The following L3MBTL4 variants were observed in gnomAD, a reference collection of about 807,000 sequenced individuals.
L3MBTL4 encodes the protein L3MBTL histone methyl-lysine binding protein 4, also known as lethal(3)malignant brain tumor-like protein 4.
L3MBTL4 carries 70 observed loss-of-function variants against 84.5 expected under a neutral mutation model. The observed-to-expected ratio is 0.83, with a 90% CI of 0.68 to 1.01. The LOEUF is 1.01. L3MBTL4 is among the 50% of genes least tolerant of loss of function. The pLI, the probability that L3MBTL4 is intolerant of heterozygous loss-of-function variation, is 0.00. For missense variants in L3MBTL4, 715 were observed against 754.8 expected (o/e 0.95, Z 0.62); for synonymous variants, 274 against 259.8 (o/e 1.05, Z -0.52).
chr18:6,251,820 G>A (rs1356252768), intron 5 of L3MBTL4, among the ~76,000 whole-genome samples: 1 of 152,124 alleles, frequency 6.6e-6, no homozygotes, highest in Admixed American at 6.5e-5. Context: ...TCTATAAAAG[G>A]CATTCCTAAA....
chr18:6,333,512 T>C (rs1378572414), intron 1 of L3MBTL4, among the ~76,000 whole-genome samples: 1 of 150,986 alleles, frequency 6.6e-6, no homozygotes. Flanking sequence ...GAGGCGGAGG[T>C]TGCAGTGAGC....
chr18:6,224,431 C>T (rs371374848), intron 10 of L3MBTL4, among the ~76,000 whole-genome samples: 1 of 152,298 alleles, frequency 6.6e-6, no homozygotes, highest in South Asian at 2.1e-4. Context: ...TGGTAGACCC[C>T]ACGAAGTCAT....
At chr18:6,134,315 G>C (rs1274342616) in intron 14 of L3MBTL4, among the ~76,000 whole-genome samples, 1 of 152,086 alleles carries the variant, frequency 6.6e-6, no homozygotes, top group Non-Finnish European at 1.5e-5. Context: ...AGGGGACACA[G>C]CCAAACCATA....
intron 4 of L3MBTL4, among the ~76,000 whole-genome samples, chr18:6,265,490 G>A (rs2146400222): frequency 6.6e-6 from 1 of 152,300 alleles, no homozygotes; most frequent in Admixed American, 6.5e-5. Flanking sequence ...ATTAATATGG[G>A]AAGGAGGTTA....
intron 1 of L3MBTL4, among the ~76,000 whole-genome samples, chr18:6,326,156 T>C (rs2051705730): frequency 1.3e-5 from 2 of 152,160 alleles, no homozygotes; most frequent in Admixed American, 1.3e-4. Context: ...AGCTGCGCCC[T>C]GGCATTTCTA....
At chr18:6,361,917 A>G (rs1349761101) in intron 1 of L3MBTL4, among the ~76,000 whole-genome samples, 1 of 151,864 alleles carries the variant, frequency 6.6e-6, no homozygotes, top group Non-Finnish European at 1.5e-5. Flanking sequence ...AGAGTTTGAG[A>G]CCAGCCTGAG....
intron 13 of L3MBTL4, among the ~76,000 whole-genome samples, chr18:6,145,825 C>T (rs1315929242): frequency 6.6e-6 from 1 of 152,126 alleles, no homozygotes; most frequent in African/African-American, 2.4e-5. Flanking sequence ...GATATGGCGG[C>T]AAACCAGAGA....
chr18:6,161,031 C>A lies in L3MBTL4; in HGVS notation c.1096+10797G>T, dbSNP rs139397605. Among the ~76,000 whole-genome samples the A allele has an allele frequency of 3.2e-3, 486 of 152,256 alleles. 3 individuals carry two copies. The highest frequency in any genetic ancestry group is 0.011 in the African/African-American group (451 of 41,550). On this transcript the variant is annotated intron_variant, in intron 13 of 18. Transcript: ENST00000317931. ...ATATGACCCAGTTAGATGACCAGAG[C>A]AGGCATGGTTTTTAGGTTCTGATAT...
chr18:6,021,385 C>T (rs2055249453), intron 16 of L3MBTL4, among the ~76,000 whole-genome samples: 1 of 152,156 alleles, frequency 6.6e-6, no homozygotes, highest in Non-Finnish European at 1.5e-5. Flanking sequence ...ATAAATATAT[C>T]TGAAGGGTAG....
intron 3 of L3MBTL4, among the ~76,000 whole-genome samples, chr18:6,310,876 T>C (rs1178227400): frequency 2.0e-5 from 3 of 152,192 alleles, no homozygotes; most frequent in Non-Finnish European, 4.4e-5. Flanking sequence ...AATATTCAAA[T>C]CAGCAGGCTT....
intron 12 of L3MBTL4, among the ~76,000 whole-genome samples, chr18:6,193,739 A>G (rs1051037768): frequency 6.6e-6 from 1 of 152,204 alleles, no homozygotes; most frequent in African/African-American, 2.4e-5. Flanking sequence ...GAGTGCCTGC[A>G]TCTTCCCTGT....
chr18:6,307,515 T>C (rs1004408115), intron 3 of L3MBTL4, among the ~76,000 whole-genome samples: 1 of 151,916 alleles, frequency 6.6e-6, no homozygotes, highest in African/African-American at 2.4e-5. Flanking sequence ...TACAACAGAA[T>C]AACAATGCAT....
intron 4 of L3MBTL4, among the ~76,000 whole-genome samples, chr18:6,281,340 T>TG (rs2049311871): frequency 6.6e-6 from 1 of 152,202 alleles, no homozygotes; most frequent in Admixed American, 6.5e-5. Context: ...AAATAATTAA[T>TG]GATACATACA....
intron 1 of L3MBTL4, among the ~76,000 whole-genome samples, chr18:6,344,747 T>G (rs1223442038): frequency 6.6e-6 from 1 of 152,104 alleles, no homozygotes; most frequent in Non-Finnish European, 1.5e-5. Context: ...TCAATAAATG[T>G]CATATGCTAC....
chr18:6,081,633 A>T (rs915728484), intron 15 of L3MBTL4, among the ~76,000 whole-genome samples: 1 of 152,196 alleles, frequency 6.6e-6, no homozygotes, highest in Non-Finnish European at 1.5e-5. Context: ...TGCTTTGCAC[A>T]TGTATTTTCT....
intron 13 of L3MBTL4, among the ~76,000 whole-genome samples, chr18:6,145,720 T>C (rs1047847366): frequency 7.2e-5 from 11 of 152,364 alleles, no homozygotes; most frequent in African/African-American, 2.6e-4. Flanking sequence ...ATTTTATTTT[T>C]TCTTATTTTT....
intron 17 of L3MBTL4, among the ~76,000 whole-genome samples, chr18:5,967,689 C>T (rs2052421447): frequency 1.3e-5 from 2 of 152,286 alleles, no homozygotes; most frequent in African/African-American, 2.4e-5. Flanking sequence ...CAGAGGTGAC[C>T]TCTGGCTCAG....
intron 1 of L3MBTL4, among the ~76,000 whole-genome samples, chr18:6,358,474 C>T (rs1013092323): frequency 9.9e-5 from 15 of 152,274 alleles, no homozygotes; most frequent in Middle Eastern, 3.4e-3. Context: ...AATGTTGCTC[C>T]ACTTCAAAGC....
At chr18:6,163,284 TGTGTGTGTGTGTGTGTGTGTGTGG>T (rs1356675578) in intron 13 of L3MBTL4, among the ~76,000 whole-genome samples, 4 of 120,316 alleles carry the variant, frequency 3.3e-5, no homozygotes, top group African/African-American at 1.5e-4. Flanking sequence ...TGTGTGTGTG[TGTGTGTGTGTGTGTGTGTGTGTGG>T]GTGGGTGTGT....
Sources: allele counts gnomAD v4.1 joint callset (sites outside exome capture counted in the v4.1 genomes callset), GRCh38; gene constraint gnomAD v4.1.1; transcripts MANE v1.5; gene names NCBI Gene and HGNC (gene_info 2026-07-23, HGNC 2026-07-21).